Variants in MSRA observed in about 807,000 individuals in gnomAD.
MSRA encodes mitochondrial peptide methionine sulfoxide reductase.
MSRA carries 54 observed loss-of-function variants against 31.3 expected under a neutral mutation model. The observed-to-expected ratio is 1.73, with a 90% confidence interval of 1.39 to 2.17. The LOEUF is 2.17. Among genes scored for constraint, MSRA ranks in the 30% most tolerant of loss-of-function variants. MSRA has a pLI of 0.00. For synonymous variants in MSRA, 169 were observed against 116.5 expected (o/e 1.45, Z -2.90); for missense variants, 507 against 300.9 (o/e 1.69, Z -5.07).
chr8:10,406,500 T>A (rs774353617), intron 5 of MSRA, among the ~76,000 whole-genome samples: 1 of 151,396 alleles, frequency 6.6e-6, no homozygotes, highest in Non-Finnish European at 1.5e-5. Flanking sequence ...GGGAGATGGG[T>A]GTTGGGGATG....
chr8:10,126,956 C>T (rs892226270), intron 1 of MSRA, among the ~76,000 whole-genome samples: 1 of 151,914 alleles, frequency 6.6e-6, no homozygotes, highest in Middle Eastern at 3.4e-3. Flanking sequence ...TCACCTGCCA[C>T]TCACCTCCTG....
At chr8:10,187,250 G>A (rs927005978) in intron 1 of MSRA, among the ~76,000 whole-genome samples, 3 of 152,256 alleles carry the variant, frequency 2.0e-5, no homozygotes, top group Non-Finnish European at 2.9e-5. Context: ...AAACTTGGCC[G>A]GTGATACCTG....
chr8:10,247,655 G>A lies in MSRA; in HGVS notation c.331+2432G>A, dbSNP rs549331797. ...ACTCGATTGGATATGAACACTACCT[G>A]CTAAGTTAACAGTAGCATTGGGAAG... is the stretch of plus-strand genomic sequence containing the variant. On this transcript the variant is annotated intron_variant, in intron 3 of 5. Coordinates refer to ENST00000317173, the MANE Select transcript of MSRA (RefSeq NM_012331.5). Among the ~76,000 whole-genome samples, 296 of 152,220 alleles carry A rather than the reference G, an allele frequency of 1.9e-3. 3 individuals carry two copies. Among genetic ancestry groups the A allele is most frequent in the Non-Finnish European group, 2.3e-3 (159 of 68,016 alleles).
intron 1 of MSRA, chr8:10,096,319 G>T: frequency 9.2e-7 from 1 of 1,081,818 alleles, no homozygotes; most frequent in Non-Finnish European, 1.1e-6. Context: ...AACAAGAAAT[G>T]TGAGCTTGGT....
intron 1 of MSRA, among the ~76,000 whole-genome samples, chr8:10,119,347 C>A (rs947220547): frequency 6.6e-6 from 1 of 152,180 alleles, no homozygotes; most frequent in African/African-American, 2.4e-5. Context: ...TAGGATCCTG[C>A]TATTTGAATC....
chr8:10,342,559 C>T (rs1306004418), intron 5 of MSRA, among the ~76,000 whole-genome samples: 1 of 152,224 alleles, frequency 6.6e-6, no homozygotes, highest in East Asian at 1.9e-4. Flanking sequence ...GCACAGGTTA[C>T]CCAACCCTGT....
chr8:10,073,086 G>A lies in MSRA; in HGVS notation c.142+18428G>A, dbSNP rs1254745514. 2.0e-5 allele frequency among the ~76,000 whole-genome samples: 3 copies of A among 151,928 alleles called. No individual in the cohort carries two copies. In the East Asian group the frequency reaches 5.8e-4, roughly 29 times the overall value. On this transcript the variant is annotated intron_variant, in intron 1 of 5. Coordinates refer to ENST00000317173, the MANE Select transcript of MSRA (RefSeq NM_012331.5). ...CTTTTGTTTTTCTTGCCTTATTTCA[G>A]TGGCTAGAACTTCCAGTATTATGTT... is the stretch of plus-strand genomic sequence containing the variant.
chr8:10,093,056 T>C (rs964404552), intron 1 of MSRA, among the ~76,000 whole-genome samples: 1 of 152,210 alleles, frequency 6.6e-6, no homozygotes, highest in African/African-American at 2.4e-5. Context: ...AGTTTTACTT[T>C]GAACCTTTTT....
chr8:10,058,246 T>C (rs1224684275), intron 1 of MSRA, among the ~76,000 whole-genome samples: 1 of 152,090 alleles, frequency 6.6e-6, no homozygotes, highest in Non-Finnish European at 1.5e-5. Context: ...AAAAGGTGGC[T>C]CTTTGAAAAA....
chr8:10,196,044 A>G (rs576752519), intron 1 of MSRA, among the ~76,000 whole-genome samples: 1 of 152,270 alleles, frequency 6.6e-6, no homozygotes, highest in Non-Finnish European at 1.5e-5. Flanking sequence ...TCACTGTCAG[A>G]GAGGAGAGGG....
Position 10,245,172 on chromosome 8 carries a change from G to C in MSRA, c.280G>C (p.Gly94Arg). Residue 94 changes from glycine to arginine, a missense_variant, in exon 3 of 6, where the codon GGT becomes CGT. Coordinates refer to ENST00000317173, the MANE Select transcript of MSRA (RefSeq NM_012331.5). ...GAAAGGAGTGTATTCAACTCAAGTT[G>C]GTTTTGCAGGAGGCTATACTTCAAA... ...VLKGVYSTQV[G>R]FAGGYTSNPT... The C allele has an allele frequency of 6.2e-7, 1 of 1,613,658 alleles. No individual in the cohort carries two copies. The highest frequency in any genetic ancestry group is 8.5e-7 in the Non-Finnish European group (1 of 1,179,842).
At chr8:10,331,168 G>A (rs916539501) in intron 5 of MSRA, among the ~76,000 whole-genome samples, 3 of 152,202 alleles carry the variant, frequency 2.0e-5, no homozygotes, top group African/African-American at 7.2e-5. Flanking sequence ...CCCCAGAACT[G>A]TAAGAAATAG....
chr8:10,414,238 G>C (rs1808325887), intron 5 of MSRA, among the ~76,000 whole-genome samples: 1 of 152,170 alleles, frequency 6.6e-6, no homozygotes, highest in South Asian at 2.1e-4. Context: ...GGATGGGCAA[G>C]AGCACAGTTT....
chr8:10,066,576 C>T (rs1430728471), intron 1 of MSRA, among the ~76,000 whole-genome samples: 1 of 152,160 alleles, frequency 6.6e-6, no homozygotes, highest in Non-Finnish European at 1.5e-5. Context: ...TGTTGTTACC[C>T]ATGCTGGAGT....
intron 1 of MSRA, among the ~76,000 whole-genome samples, chr8:10,145,571 G>A (rs867161432): frequency 2.0e-5 from 3 of 152,252 alleles, no homozygotes; most frequent in East Asian, 1.9e-4. Context: ...TCCACGGGGC[G>A]GGTGGCCTTC....
chr8:10,310,900 T>C (rs1440691576), intron 4 of MSRA, among the ~76,000 whole-genome samples: 1 of 152,266 alleles, frequency 6.6e-6, no homozygotes, highest in African/African-American at 2.4e-5. Context: ...TACAATTTTA[T>C]AATCCTATTA....
At chr8:10,112,880 T>C (rs1800387793) in intron 1 of MSRA, among the ~76,000 whole-genome samples, 1 of 152,164 alleles carries the variant, frequency 6.6e-6, no homozygotes, top group Non-Finnish European at 1.5e-5. Flanking sequence ...CTTGAACTTT[T>C]ATGGCTGCCT....
At chr8:10,100,912 G>C (rs1333928616) in intron 1 of MSRA, among the ~76,000 whole-genome samples, 1 of 152,108 alleles carries the variant, frequency 6.6e-6, no homozygotes, top group African/African-American at 2.4e-5. Flanking sequence ...TGAAGAATTA[G>C]TCCCTCTGGA....
chr8:10,248,004 G>A (rs1457945024), intron 3 of MSRA, among the ~76,000 whole-genome samples: 1 of 152,148 alleles, frequency 6.6e-6, no homozygotes, highest in Non-Finnish European at 1.5e-5. Context: ...ACACTGGCGG[G>A]CCTCCCCTCT....
Sources: allele counts gnomAD v4.1 joint callset (sites outside exome capture counted in the v4.1 genomes callset), GRCh38; gene constraint gnomAD v4.1.1; transcripts MANE v1.5; gene names NCBI Gene and HGNC (gene_info 2026-07-23, HGNC 2026-07-21).